Variants in BCL2L11 observed in about 807,000 individuals in gnomAD.
BCL2L11 encodes BCL2 like 11.
Under a neutral mutation model 20.6 loss-of-function variants are expected in BCL2L11, and 15 were observed. The ratio of observed to expected loss-of-function variants is 0.73; its 90% CI spans 0.49 to 1.12. The LOEUF (loss-of-function observed/expected upper bound fraction) is 1.12, where lower values mean the gene tolerates loss of function less well. Among genes scored for constraint, BCL2L11 ranks in the 50% most tolerant of loss-of-function variants. The pLI is 0.00. For synonymous variants in BCL2L11, 108 were observed against 92.8 expected (o/e 1.16, Z -0.94); for missense variants, 292 against 260.9 (o/e 1.12, Z -0.82).
At chr2:111,146,069 T>C in intron 2 of BCL2L11, 6 of 985,266 alleles carry the variant, frequency 6.1e-6, no homozygotes, top group Non-Finnish European at 6.0e-6. Flanking sequence ...AAGAGCAGTT[T>C]ATATTTTATT....
intron 3 of BCL2L11, chr2:111,151,671 T>C: frequency 1.4e-6 from 1 of 690,888 alleles, no homozygotes; most frequent in African/African-American, 1.8e-5. Context: ...TTCTTCAGTA[T>C]GGAATTTCTG....
intron 2 of BCL2L11, among the ~76,000 whole-genome samples, chr2:111,140,871 G>C (rs1176482876): frequency 6.6e-6 from 1 of 152,242 alleles, no homozygotes; most frequent in Admixed American, 6.5e-5. Context: ...CAATATACGA[G>C]TGCCACCAGT....
intron 2 of BCL2L11, among the ~76,000 whole-genome samples, chr2:111,149,170 G>A (rs2076946876): frequency 6.6e-6 from 1 of 152,146 alleles, no homozygotes; most frequent in Admixed American, 6.5e-5. Context: ...GTGGCACATG[G>A]AGAATATAAT....
At chr2:111,131,790 C>T (rs543709072) in intron 2 of BCL2L11, 1 of 152,148 alleles carries the variant, frequency 6.6e-6, no homozygotes, top group African/African-American at 2.4e-5. Context: ...CATGGTTACA[C>T]TCCAGACCCA....
intron 3 of BCL2L11, among the ~76,000 whole-genome samples, chr2:111,151,351 AG>A (rs2077234786): frequency 6.6e-6 from 1 of 152,250 alleles, no homozygotes; most frequent in African/African-American, 2.4e-5. Flanking sequence ...CCTCATATAA[AG>A]GTATTAATTC....
At chr2:111,162,005 G>A (rs183293561) in intron 3 of BCL2L11, among the ~76,000 whole-genome samples, 11 of 152,280 alleles carry the variant, frequency 7.2e-5, no homozygotes, top group Admixed American at 2.6e-4. Flanking sequence ...ACTTGCCCCA[G>A]TTTAGTGTCA....
chr2:111,132,051 C>G (rs773959966), intron 2 of BCL2L11: 2 of 152,184 alleles, frequency 1.3e-5, no homozygotes, highest in African/African-American at 2.4e-5. Flanking sequence ...CACTCCAGCT[C>G]CCAATCTGGC....
chr2:111,142,569 A>G (rs1267806335), intron 2 of BCL2L11, among the ~76,000 whole-genome samples: 1 of 152,224 alleles, frequency 6.6e-6, no homozygotes, highest in East Asian at 1.9e-4. Flanking sequence ...CGTATACATT[A>G]TAGGCTTTTT....
At chr2:111,136,782 C>T (rs562882264) in intron 2 of BCL2L11, among the ~76,000 whole-genome samples, 8 of 152,244 alleles carry the variant, frequency 5.3e-5, no homozygotes, top group South Asian at 2.1e-4. Flanking sequence ...CAGGTTTCAG[C>T]GAGAGTTTTG....
At chr2:111,127,192 G>A (rs1222466753) in intron 2 of BCL2L11, among the ~76,000 whole-genome samples, 1 of 152,014 alleles carries the variant, frequency 6.6e-6, no homozygotes, top group African/African-American at 2.4e-5. Flanking sequence ...ACTCACATGT[G>A]TTGGTTTACT....
rs2075981688 is a variant in BCL2L11 at position 111,142,508 on chromosome 2, ATC to A, written c.395-7534_395-7533del. The A allele has an allele frequency of 6.4e-6, 5 of 785,484 alleles. No individual in the cohort carries two copies. In the Admixed American group the frequency reaches 1.2e-4, roughly 19 times the overall value. The allele number at this position is 785,484 out of a possible 1,614,324, so 48.7% of individuals were successfully genotyped here. ...CCTACAGTGTGTTATCAATAATCAT[ATC>A]TGTGTTAAATTGTACTTCACTTTGT... On this transcript the variant is annotated intron_variant, in intron 2 of 3. Coordinates refer to ENST00000393256, the MANE Select transcript of BCL2L11 (RefSeq NM_138621.5).
chr2:111,158,060 C>A (rs1224083173), intron 3 of BCL2L11, among the ~76,000 whole-genome samples: 1 of 152,210 alleles, frequency 6.6e-6, no homozygotes, highest in Non-Finnish European at 1.5e-5. Flanking sequence ...TCCTCTGACA[C>A]CTGAAAACAG....
chr2:111,147,519 C>T (rs1411220608), intron 2 of BCL2L11, among the ~76,000 whole-genome samples: 1 of 152,188 alleles, frequency 6.6e-6, no homozygotes, highest in Non-Finnish European at 1.5e-5. Flanking sequence ...TTGCTTCTGC[C>T]AAAGCCAGCA....
chr2:111,155,978 T>C lies in BCL2L11; in HGVS notation c.498+5831T>C, dbSNP rs551618427. Among the ~76,000 whole-genome samples, 19 of 152,340 alleles carry C rather than the reference T, an allele frequency of 1.2e-4. No homozygotes were observed. The South Asian group carries it at 3.9e-3, about 32-fold the overall frequency. On this transcript the variant is annotated intron_variant, in intron 3 of 3. Coordinates refer to ENST00000393256, the MANE Select transcript of BCL2L11 (RefSeq NM_138621.5). ...AATTTAACGTGTCATTACATTAGCA[T>C]TTTCCTGTGCTCTGTATGAATTTGA...
chr2:111,128,796 A>G (rs2073252091), intron 2 of BCL2L11: 1 of 1,519,932 alleles, frequency 6.6e-7, no homozygotes, highest in South Asian at 1.3e-5. Context: ...TTCCTTGAGC[A>G]TTTTGTCATA....
At chr2:111,131,830 T>A (rs964525114) in intron 2 of BCL2L11, 1 of 152,198 alleles carries the variant, frequency 6.6e-6, no homozygotes, top group African/African-American at 2.4e-5. Context: ...AAAGTGTATA[T>A]ATGCTTCAGA....
intron 3 of BCL2L11, among the ~76,000 whole-genome samples, chr2:111,158,166 G>A (rs1183229987): frequency 1.3e-5 from 2 of 152,250 alleles, no homozygotes; most frequent in African/African-American, 4.8e-5. Context: ...TTCCTGAAGA[G>A]CTCCACATCA....
intron 1 of BCL2L11, among the ~76,000 whole-genome samples, chr2:111,121,936 G>T (rs890640646): frequency 3.3e-5 from 5 of 152,182 alleles, no homozygotes; most frequent in African/African-American, 1.2e-4. Context: ...AGCGGCTCAC[G>T]CATGCCCGAG....
chr2:111,139,996 C>T (rs1277069668), intron 2 of BCL2L11, among the ~76,000 whole-genome samples: 4 of 152,218 alleles, frequency 2.6e-5, no homozygotes, highest in Non-Finnish European at 4.4e-5. Flanking sequence ...CTTTCAGTCA[C>T]ACATCTTGCG....
Sources: allele counts gnomAD v4.1 joint callset (sites outside exome capture counted in the v4.1 genomes callset), GRCh38; gene constraint gnomAD v4.1.1; transcripts MANE v1.5; gene names NCBI Gene and HGNC (gene_info 2026-07-23, HGNC 2026-07-21).